The following CSGALNACT1 variants were observed in gnomAD, a reference collection of about 807,000 sequenced individuals.
CSGALNACT1 encodes beta4GalNAcT-1.
Under a neutral mutation model 51.0 loss-of-function variants are expected in CSGALNACT1, and 52 were observed. The observed-to-expected ratio is 1.02, with a 90% CI of 0.82 to 1.29. The LOEUF is 1.29. CSGALNACT1 is among the 50% of genes most tolerant of loss of function. The pLI is 0.00. For missense variants in CSGALNACT1, 935 were observed against 679.2 expected, an observed-to-expected ratio of 1.38 and a Z score of -4.19; for synonymous variants, 341 against 254.4, an observed-to-expected ratio of 1.34 and a Z score of -3.24.
At chr8:19,651,005 C>T (rs572946752) in intron 1 of CSGALNACT1, among the ~76,000 whole-genome samples, 178 of 152,214 alleles carry the variant, frequency 1.2e-3, no homozygotes, top group African/African-American at 3.5e-3. Flanking sequence ...AAAAGGTGGG[C>T]TCAGAGATTA....
At chr8:19,672,524 A>T (rs182390795) in intron 1 of CSGALNACT1, among the ~76,000 whole-genome samples, 6 of 152,336 alleles carry the variant, frequency 3.9e-5, no homozygotes, top group Admixed American at 3.3e-4. Context: ...GCTGGAAACC[A>T]CCATTCAACC....
intron 1 of CSGALNACT1, among the ~76,000 whole-genome samples, chr8:19,663,352 T>C (rs566174679): frequency 6.6e-6 from 1 of 152,336 alleles, no homozygotes; most frequent in Non-Finnish European, 1.5e-5. Context: ...CTTTGGGTGC[T>C]CTTAAGTCCT....
At chr8:19,588,660 G>C (rs2047171015) in intron 3 of CSGALNACT1, among the ~76,000 whole-genome samples, 1 of 152,114 alleles carries the variant, frequency 6.6e-6, no homozygotes, top group African/African-American at 2.4e-5. Context: ...TTTCATTCTA[G>C]ATCTAGGAAT....
intron 8 of CSGALNACT1, among the ~76,000 whole-genome samples, chr8:19,414,704 T>C (rs148456622): frequency 4.1e-4 from 63 of 152,268 alleles, no homozygotes; most frequent in African/African-American, 1.4e-3. Context: ...ATAACATACA[T>C]TGACTAATGT....
chr8:19,690,479 C>T (rs1394339201), intron 1 of CSGALNACT1, among the ~76,000 whole-genome samples: 6 of 152,128 alleles, frequency 3.9e-5, no homozygotes, highest in Non-Finnish European at 7.3e-5. Flanking sequence ...ATTAAATAGT[C>T]AAAGAGCTCA....
At chr8:19,594,178 T>C (rs1279638518) in intron 2 of CSGALNACT1, among the ~76,000 whole-genome samples, 1 of 152,092 alleles carries the variant, frequency 6.6e-6, no homozygotes, top group East Asian at 1.9e-4. Context: ...CAGAAAAACA[T>C]GGACTGCTAG....
chr8:19,692,744 G>C (rs1435847563), intron 1 of CSGALNACT1, among the ~76,000 whole-genome samples: 4 of 152,118 alleles, frequency 2.6e-5, no homozygotes, highest in Non-Finnish European at 2.9e-5. Context: ...GGGTTTGGTG[G>C]AGCTCTGGTC....
chr8:19,404,403 A>C, exon 10 of CSGALNACT1: 1 of 453,482 alleles, frequency 2.2e-6, no homozygotes, highest in Non-Finnish European at 4.4e-6. Flanking sequence ...ACATGAATGA[A>C]GAAACCACTC....
intron 4 of CSGALNACT1, among the ~76,000 whole-genome samples, chr8:19,501,569 A>G (rs2076421799): frequency 6.6e-6 from 1 of 152,226 alleles, no homozygotes; most frequent in African/African-American, 2.4e-5. Context: ...GAGGAGGATG[A>G]GCCACACAGG....
At chr8:19,651,583 A>T (rs920692041) in intron 1 of CSGALNACT1, among the ~76,000 whole-genome samples, 4 of 152,184 alleles carry the variant, frequency 2.6e-5, no homozygotes, top group African/African-American at 9.6e-5. Context: ...TGTTGCTGCA[A>T]AGGATAGGAT....
chr8:19,426,763 C>T (rs1355320863), intron 6 of CSGALNACT1, among the ~76,000 whole-genome samples: 1 of 152,252 alleles, frequency 6.6e-6, no homozygotes, highest in East Asian at 1.9e-4. Context: ...ACTGTTTCTA[C>T]AGGAGATTTA....
chr8:19,570,798 G>T (rs1050847660), intron 3 of CSGALNACT1, among the ~76,000 whole-genome samples: 1 of 152,084 alleles, frequency 6.6e-6, no homozygotes, highest in African/African-American at 2.4e-5. Flanking sequence ...TACTTGGGAG[G>T]CTGAAGCACA....
chr8:19,451,850 C>G (rs1240693489), intron 5 of CSGALNACT1, among the ~76,000 whole-genome samples: 2 of 152,102 alleles, frequency 1.3e-5, no homozygotes, highest in African/African-American at 4.8e-5. Flanking sequence ...GCGATAGGGC[C>G]CATCTGGACC....
At chr8:19,419,620 A>G (rs1198970919) in intron 7 of CSGALNACT1, among the ~76,000 whole-genome samples, 1 of 152,196 alleles carries the variant, frequency 6.6e-6, no homozygotes, top group African/African-American at 2.4e-5. Context: ...TACCCTAGGT[A>G]ACTGCCCAAA....
intron 1 of CSGALNACT1, among the ~76,000 whole-genome samples, chr8:19,717,011 A>G (rs1466019296): frequency 1.3e-5 from 2 of 152,238 alleles, no homozygotes; most frequent in Non-Finnish European, 2.9e-5. Context: ...TTAAACTTCT[A>G]AGCCTTAGTG....
At chr8:19,431,478 T>C (rs1171967902) in intron 6 of CSGALNACT1, among the ~76,000 whole-genome samples, 2 of 152,218 alleles carry the variant, frequency 1.3e-5, no homozygotes, top group South Asian at 4.1e-4. Context: ...GATTTTCGTA[T>C]ATTGAGCCAA....
intron 1 of CSGALNACT1, among the ~76,000 whole-genome samples, chr8:19,653,877 C>T (rs1420072222): frequency 6.6e-6 from 1 of 152,150 alleles, no homozygotes; most frequent in Non-Finnish European, 1.5e-5. Context: ...TACCTACCCA[C>T]ATCTCCCCTT....
chr8:19,461,058 C>T (rs931535844), intron 4 of CSGALNACT1, among the ~76,000 whole-genome samples: 1 of 152,170 alleles, frequency 6.6e-6, no homozygotes, highest in Non-Finnish European at 1.5e-5. Flanking sequence ...GGACTAAGTT[C>T]CCTTTGGAAG....
intron 1 of CSGALNACT1, among the ~76,000 whole-genome samples, chr8:19,649,832 A>AAAAAAAAAAC (rs2057632311): frequency 6.8e-6 from 1 of 146,320 alleles, no homozygotes; most frequent in Admixed American, 7.3e-5. Flanking sequence ...AAAAAAAAAA[A>AAAAAAAAAAC]AAAAAAAAAA....
Sources: allele counts gnomAD v4.1 joint callset (sites outside exome capture counted in the v4.1 genomes callset), GRCh38; gene constraint gnomAD v4.1.1; transcripts MANE v1.5; gene names NCBI Gene and HGNC (gene_info 2026-07-23, HGNC 2026-07-21).